Variants in CIMIP3 observed in about 807,000 individuals in gnomAD.
CIMIP3 encodes the protein ciliary microtubule inner protein 3.
chr6:42,156,306 C>CTTTTTTTTTTTT, the CIMIP3 span, among the ~76,000 whole-genome samples: 2 of 137,078 alleles, frequency 1.5e-5, no homozygotes, highest in Non-Finnish European at 1.6e-5. Flanking sequence ...ATTTTTTTTT[C>CTTTTTTTTTTTT]TTTTTTTTTT....
chr6:42,159,356 T>G, the CIMIP3 span, among the ~76,000 whole-genome samples: 97,206 of 152,080 alleles, frequency 0.64, 31,400 homozygotes, highest in South Asian at 0.7. Flanking sequence ...TTGTGCTCAG[T>G]CGTGGTGTCT....
At chr6:42,157,146 A>G in the CIMIP3 span, among the ~76,000 whole-genome samples, 1 of 152,250 alleles carries the variant, frequency 6.6e-6, no homozygotes, top group Non-Finnish European at 1.5e-5. Context: ...ACAAACGCAT[A>G]TTAGTATATA....
chr6:42,162,561 G>A, the CIMIP3 span, among the ~76,000 whole-genome samples: 1 of 151,218 alleles, frequency 6.6e-6, no homozygotes, highest in Admixed American at 6.6e-5. Context: ...AGCAGTGGCA[G>A]GGAAGAGGGA....
At chr6:42,162,936 C>T in the CIMIP3 span, 1 of 674,608 alleles carries the variant, frequency 1.5e-6, no homozygotes, top group Non-Finnish European at 2.8e-6. Flanking sequence ...CAGAAACCCT[C>T]TGTACCCAGT....
chr6:42,158,670 C>T, the CIMIP3 span, among the ~76,000 whole-genome samples: 652 of 152,310 alleles, frequency 4.3e-3, 2 homozygotes, highest in African/African-American at 0.015. Context: ...TTGATGCCTC[C>T]GAGCCTCAGT....
At chr6:42,161,103 G>T in the CIMIP3 span, among the ~76,000 whole-genome samples, 5 of 152,220 alleles carry the variant, frequency 3.3e-5, no homozygotes, top group African/African-American at 4.8e-5. Flanking sequence ...CAGGAGAATT[G>T]CTTGAACCCA....
chr6:42,155,668 G>A, the CIMIP3 span: 17 of 716,048 alleles, frequency 2.4e-5, 1 homozygote, highest in South Asian at 2.1e-4. Context: ...CCCAGCTGTC[G>A]GACCTCTGCG....
At chr6:42,157,263 C>A in the CIMIP3 span, among the ~76,000 whole-genome samples, 1 of 152,122 alleles carries the variant, frequency 6.6e-6, no homozygotes, top group Non-Finnish European at 1.5e-5. Context: ...GACAAGGTCT[C>A]ACTCTGTCAC....
chr6:42,157,497 A>G, the CIMIP3 span, among the ~76,000 whole-genome samples: 1 of 150,534 alleles, frequency 6.6e-6, no homozygotes, highest in East Asian at 1.9e-4. Flanking sequence ...TGATCTGCCC[A>G]CCTCAGCCTC....
the CIMIP3 span, among the ~76,000 whole-genome samples, chr6:42,158,650 G>T: frequency 6.6e-6 from 1 of 152,234 alleles, no homozygotes; most frequent in South Asian, 2.1e-4. Context: ...TGTGAACTCA[G>T]AAAAATGCTT....
At chr6:42,156,072 C>G in the CIMIP3 span, among the ~76,000 whole-genome samples, 1 of 152,178 alleles carries the variant, frequency 6.6e-6, no homozygotes, top group Admixed American at 6.5e-5. Context: ...CAGCTAAGTG[C>G]AACCTCCGCC....
chr6:42,160,562 G>T, the CIMIP3 span, among the ~76,000 whole-genome samples: 1 of 152,156 alleles, frequency 6.6e-6, no homozygotes, highest in Non-Finnish European at 1.5e-5. Flanking sequence ...TGCAGCAAGC[G>T]GTCCCAGTGC....
At chr6:42,163,119 A>T in the CIMIP3 span, 1 of 707,052 alleles carries the variant, frequency 1.4e-6, no homozygotes, top group Non-Finnish European at 2.6e-6. Context: ...ACCTCCCAGT[A>T]CTCCAACTCC....
the CIMIP3 span, among the ~76,000 whole-genome samples, chr6:42,158,327 G>A: frequency 6.6e-6 from 1 of 152,186 alleles, no homozygotes; most frequent in South Asian, 2.1e-4. Flanking sequence ...AAGGGCAGGG[G>A]AGGGCTAGTG....
chr6:42,162,534 G>A, the CIMIP3 span, among the ~76,000 whole-genome samples: 1 of 151,468 alleles, frequency 6.6e-6, no homozygotes, highest in South Asian at 2.1e-4. Context: ...AGGATAGAGA[G>A]GTCGAAGGCC....
At chr6:42,156,235 A>G in the CIMIP3 span, among the ~76,000 whole-genome samples, 1 of 150,832 alleles carries the variant, frequency 6.6e-6, no homozygotes, top group Non-Finnish European at 1.5e-5. Context: ...ACCTCAAGTG[A>G]TTCTCCTGCC....
the CIMIP3 span, chr6:42,155,641 C>A: frequency 1.4e-6 from 1 of 717,232 alleles, no homozygotes; most frequent in South Asian, 1.5e-5. Context: ...GCTGGTGCTG[C>A]TGCCTGCCTT....
the CIMIP3 span, chr6:42,163,157 C>G: frequency 3.1e-5 from 20 of 644,410 alleles, no homozygotes; most frequent in South Asian, 2.1e-4. Context: ...TTTGCAGAAG[C>G]CTACCTGTGG....
the CIMIP3 span, among the ~76,000 whole-genome samples, chr6:42,158,043 A>C: frequency 6.6e-6 from 1 of 152,188 alleles, no homozygotes; most frequent in Non-Finnish European, 1.5e-5. Context: ...AATGTCTCCA[A>C]ACATGCATGC....
Sources: allele counts gnomAD v4.1 joint callset (sites outside exome capture counted in the v4.1 genomes callset), GRCh38; gene constraint gnomAD v4.1.1; transcripts MANE v1.5; gene names NCBI Gene and HGNC (gene_info 2026-07-23, HGNC 2026-07-21).